The following COL6A6 variants were observed in gnomAD, a reference collection of about 807,000 sequenced individuals.
The protein encoded by COL6A6 is collagen type VI alpha 6 chain, also known as collagen alpha-6(VI) chain.
In COL6A6, 183 loss-of-function variants were observed where a neutral mutation model predicts 208.6. That is an observed-to-expected ratio of 0.88 (90% confidence interval 0.78 to 0.99). COL6A6 has a LOEUF of 0.99. Ranked by LOEUF, COL6A6 falls within the 50% of genes least tolerant of loss-of-function variation. The pLI, the probability that COL6A6 is intolerant of heterozygous loss-of-function variation, is 0.00. For synonymous variants in COL6A6, 973 were observed against 1,011.8 expected, an observed-to-expected ratio of 0.96 and a Z score of 0.73; for missense variants, 2,816 against 2,815.2, an observed-to-expected ratio of 1.00 and a Z score of -0.01.
intron 1 of COL6A6, among the ~76,000 whole-genome samples, chr3:130,547,048 C>G (rs1348740023): frequency 1.3e-5 from 2 of 152,236 alleles, no homozygotes; most frequent in Non-Finnish European, 2.9e-5. Flanking sequence ...GCCCGCCAGT[C>G]CTGCGCGGCC....
chr3:130,544,376 C>G (rs185477863), intron 1 of COL6A6, among the ~76,000 whole-genome samples: 2 of 152,200 alleles, frequency 1.3e-5, no homozygotes, highest in East Asian at 3.9e-4. Context: ...CTCTCTCTTT[C>G]TCTCTCTCCC....
At chr3:130,645,023 GCATGCTTTAA>G in intron 32 of COL6A6, 21 bp downstream of exon 32, 3 of 1,608,182 alleles carry the variant, frequency 1.9e-6, no homozygotes, top group Non-Finnish European at 2.6e-6. Flanking sequence ...TTTATTTACA[GCATGCTTTAA>G]TCAAGCTCTA....
chr3:130,592,717 C>G lies in COL6A6; in HGVS notation c.4366C>G (p.Gln1456Glu). 5 of 1,611,684 alleles carry G rather than the reference C, an allele frequency of 3.1e-6. No individual in the cohort carries two copies. The highest frequency in any genetic ancestry group is 4.2e-6 in the Non-Finnish European group (5 of 1,178,278). ...GPKGNRGLNG[Q>E]EGEVGENGID... ...TCAGGGAAACAGAGGACTAAATGGACAGGAGGTATGTTACCAGGCACATCC... is the reference window on the plus strand; with the variant it reads ...TCAGGGAAACAGAGGACTAAATGGAGAGGAGGTATGTTACCAGGCACATCC... Residue 1456 changes from glutamine (Q) to glutamate (E), a missense_variant, in exon 15 of 37, where the codon CAG becomes GAG. Coordinates refer to ENST00000358511, the MANE Select transcript of COL6A6 (RefSeq NM_001102608.3).
rs2062978801 is a variant in COL6A6, at chr3:130,564,946, T to A, written c.662-48T>A. 7 of 1,586,618 alleles carry A rather than the reference T, an allele frequency of 4.4e-6. No individual in the cohort carries two copies. In the East Asian group the frequency reaches 1.6e-4, roughly 35 times the overall value. On this transcript the variant is annotated intron_variant, in intron 3 of 36. Coordinates refer to ENST00000358511, the MANE Select transcript of COL6A6 (RefSeq NM_001102608.3). ...CATGCCTTCTAATGCTCACCAAAGA[T>A]GCTGAACCACCAGCTAAAATTGTGC...
intron 30 of COL6A6, 39 bp from the exon 31 acceptor site, chr3:130,642,948 T>C (rs1186034996): frequency 6.2e-7 from 1 of 1,613,610 alleles, no homozygotes; most frequent in Admixed American, 1.7e-5. Context: ...GCCTAGCAGT[T>C]TGTTGTTTAA....
At chr3:130,654,140 C>T (rs1157470429) in intron 33 of COL6A6, among the ~76,000 whole-genome samples, 1 of 152,180 alleles carries the variant, frequency 6.6e-6, no homozygotes, top group Non-Finnish European at 1.5e-5. Context: ...ATAAAGGTAG[C>T]TAATACAGAA....
chr3:130,611,819 G>T (rs1303733), intron 23 of COL6A6, among the ~76,000 whole-genome samples: 12 of 152,076 alleles, frequency 7.9e-5, no homozygotes, highest in African/African-American at 2.9e-4. Context: ...AGGTGTACAC[G>T]TGCAGGTTGG....
chr3:130,616,019 G>A (rs2064508139), intron 23 of COL6A6, among the ~76,000 whole-genome samples: 1 of 152,090 alleles, frequency 6.6e-6, no homozygotes, highest in Admixed American at 6.6e-5. Context: ...TTTTCTTTCT[G>A]TGCTTGGTTT....
intron 32 of COL6A6, among the ~76,000 whole-genome samples, chr3:130,648,408 A>G (rs2065523495): frequency 6.6e-6 from 1 of 152,220 alleles, no homozygotes; most frequent in African/African-American, 2.4e-5. Context: ...ACCTGTGCTG[A>G]TTCATTTAAT....
chr3:130,542,877 A>G (rs2062402053), intron 1 of COL6A6, among the ~76,000 whole-genome samples: 1 of 141,752 alleles, frequency 7.1e-6, no homozygotes, highest in South Asian at 2.3e-4. Flanking sequence ...AACATAGTAC[A>G]TGTTTCTCCA....
intron 1 of COL6A6, among the ~76,000 whole-genome samples, chr3:130,527,175 A>T (rs1383083353): frequency 6.6e-6 from 1 of 152,188 alleles, no homozygotes; most frequent in African/African-American, 2.4e-5. Context: ...TTAGCTTGGC[A>T]CTCACGAATG....
rs2066341945 is a variant in COL6A6 at position 130,675,658 on chromosome 3, G to GATATA, written c.*264_*268dup. 3.1e-6 allele frequency: 1 copy of GATATA among 325,100 alleles called. No individual in the cohort carries two copies. The highest frequency in any genetic ancestry group is 1.1e-4 in the South Asian group (1 of 9,492). 20.1% of individuals were successfully genotyped at this position (325,100 alleles called of 1,614,324 possible). A position where few individuals can be genotyped will look rare whatever the true frequency, so the allele number is the denominator to read the frequency against. ...GAAGTGTTTTGAAAAGTCTAATGGA[G>GATATA]ATATAATTTGAAGGTAAAATTTATA... On this transcript the variant is annotated 3_prime_UTR_variant, in exon 37 of 37. Coordinates refer to ENST00000358511, the MANE Select transcript of COL6A6 (RefSeq NM_001102608.3).
intron 36 of COL6A6, among the ~76,000 whole-genome samples, chr3:130,671,140 T>A (rs1403837890): frequency 6.6e-6 from 1 of 152,176 alleles, no homozygotes; most frequent in Admixed American, 6.5e-5. Context: ...GATGGAGAGA[T>A]CGCAGAAGGA....
At chr3:130,634,242 T>TAAAAAAA (rs202193097) in intron 26 of COL6A6, among the ~76,000 whole-genome samples, 12 of 23,808 alleles carry the variant, frequency 5.0e-4, no homozygotes, top group Admixed American at 8.0e-4. Context: ...AATAAATAAA[T>TAAAAAAA]AAAAAAAAAA....
chr3:130,623,137 T>A (rs2064786697), intron 24 of COL6A6, among the ~76,000 whole-genome samples: 1 of 152,044 alleles, frequency 6.6e-6, no homozygotes, highest in Non-Finnish European at 1.5e-5. Flanking sequence ...TTGGAAGATT[T>A]TAAATAGGCA....
chr3:130,542,898 CT>C (rs56339748), intron 1 of COL6A6, among the ~76,000 whole-genome samples: 1,270 of 92,410 alleles, frequency 0.014, 13 homozygotes, highest in African/African-American at 0.045. Context: ...TCCATTCACT[CT>C]TTTTTTTTTT....
At chr3:130,533,822 G>A (rs2062162492) in intron 1 of COL6A6, among the ~76,000 whole-genome samples, 1 of 152,132 alleles carries the variant, frequency 6.6e-6, no homozygotes, top group Admixed American at 6.5e-5. Flanking sequence ...TTGTGGGTAG[G>A]TCATGTCAAC....
intron 8 of COL6A6, among the ~76,000 whole-genome samples, chr3:130,577,920 C>G (rs9838169): frequency 0.99 from 150,956 of 152,348 alleles, 74,797 homozygotes; most frequent in African/African-American, 1. Context: ...AATTTACCAA[C>G]AATTCCTTAG....
chr3:130,669,949 CA>C (rs1357354084), intron 36 of COL6A6, among the ~76,000 whole-genome samples: 1 of 152,248 alleles, frequency 6.6e-6, no homozygotes, highest in African/African-American at 2.4e-5. Flanking sequence ...CACACTTAGG[CA>C]AATACCTTTG....
Sources: allele counts gnomAD v4.1 joint callset (sites outside exome capture counted in the v4.1 genomes callset), GRCh38; gene constraint gnomAD v4.1.1; transcripts MANE v1.5; gene names NCBI Gene and HGNC (gene_info 2026-07-23, HGNC 2026-07-21).